The following CAMK1 variants were observed in gnomAD, a reference collection of about 807,000 sequenced individuals.
CAMK1 encodes calcium/calmodulin dependent protein kinase I.
Under a neutral mutation model 49.1 loss-of-function variants are expected in CAMK1, and 39 were observed. The observed-to-expected ratio is 0.79, with a 90% CI of 0.62 to 1.04. The LOEUF (loss-of-function observed/expected upper bound fraction) is 1.04. Ranked by LOEUF, CAMK1 falls within the 50% of genes least tolerant of loss-of-function variation. CAMK1 has a pLI of 0.00. For synonymous variants in CAMK1, 192 were observed against 185.2 expected (o/e 1.04, Z -0.30); for missense variants, 457 against 472.2 (o/e 0.97, Z 0.30).
At chr3:9,766,799 C>T (rs1479357400) in intron 2 of CAMK1, 1 of 215,274 alleles carries the variant, frequency 4.6e-6, no homozygotes, top group Non-Finnish European at 8.3e-6. Flanking sequence ...GTAACCTCAT[C>T]ACTGGTTTCC....
intron 10 of CAMK1, chr3:9,759,092 G>A (rs922544086): frequency 2.9e-6 from 3 of 1,023,662 alleles, no homozygotes; most frequent in South Asian, 1.3e-5. Context: ...AGTCCCCTCA[G>A]CCCCTCCAGT....
intron 2 of CAMK1, chr3:9,766,324 C>T (rs532374616): frequency 1.4e-6 from 1 of 692,100 alleles, no homozygotes; most frequent in South Asian, 1.5e-5. Flanking sequence ...GAGGTCTACC[C>T]CTGGGCTTTT....
At chr3:9,760,008 CAAT>C in intron 8 of CAMK1, 1 of 410,936 alleles carries the variant, frequency 2.4e-6, no homozygotes, top group South Asian at 2.7e-5. Context: ...TTTGGGAGGC[CAAT>C]GCAGGTGGAT....
chr3:9,759,775 G>T, intron 8 of CAMK1, 25 bp from the exon 9 acceptor site: 1 of 1,614,064 alleles, frequency 6.2e-7, no homozygotes, highest in Non-Finnish European at 8.5e-7. Flanking sequence ...CAAAAGCAAA[G>T]ATAATGACAG....
At chr3:9,763,421 AAC>A (rs1491396472) in intron 3 of CAMK1, among the ~76,000 whole-genome samples, 7 of 150,738 alleles carry the variant, frequency 4.6e-5, no homozygotes, top group African/African-American at 1.7e-4. Flanking sequence ...AAAAAAAAAA[AAC>A]AGCGGTTTAG....
In CAMK1 at chr3:9,765,889, C is replaced by A. The variant is rs763370367; in HGVS notation, c.85G>T (p.Gly29Trp). ...GCCAGGATCACCTCCGAGAAGGCCCCCCTATCGGGAGAGGGGATTCACAAG... is the reference window on the plus strand; with the variant it reads ...GCCAGGATCACCTCCGAGAAGGCCCACCTATCGGGAGAGGGGATTCACAAG... ...IYDFRDVLGTGAFSEVILAED... is the reference protein window; with the variant it reads ...IYDFRDVLGTWAFSEVILAED... The change falls in exon 3 of 12, where the codon GGG (glycine) becomes TGG (tryptophan). Residue 29 changes from glycine (G) to tryptophan (W), a missense_variant and splice_region_variant. Physicochemically the swap from Gly to Trp is radical, Grantham distance 184 (BLOSUM62 -2). Transcript: ENST00000256460. 1 of 1,614,144 alleles carries A rather than the reference C, an allele frequency of 6.2e-7. No individual in the cohort carries two copies. Among genetic ancestry groups the A allele is most frequent in the South Asian group, 1.1e-5 (1 of 91,074 alleles).
At position 9,760,752 on chromosome 3, in the gene CAMK1, G is replaced by A. The variant is rs907102077; in HGVS notation, c.649C>T (p.Pro217Ser). The change falls in exon 8 of 12, where the codon CCC becomes TCC. Residue 217 changes from proline (P) to serine (S), a missense_variant. Physicochemically the swap from Pro to Ser is moderately conservative, Grantham distance 74. Coordinates refer to ENST00000256460, the MANE Select transcript of CAMK1 (RefSeq NM_003656.5). ...IAYILLCGYP[P>S]FYDENDAKLF... ...TTGGCATCATTCTCGTCATAGAAGG[G>A]AGGGTAACCGCAGAGCCTGGGCAGG... is the stretch of plus-strand genomic sequence containing the variant. 6 of 1,614,058 alleles carry A rather than the reference G, an allele frequency of 3.7e-6. No homozygotes were observed. Among genetic ancestry groups the A allele is most frequent in the Non-Finnish European group, 5.1e-6 (6 of 1,179,960 alleles).
rs763757094 is a variant in CAMK1, at chr3:9,766,038, G to C, written c.84-148C>G. The C allele has an allele frequency of 1.2e-5, 20 of 1,607,858 alleles. No individual in the cohort carries two copies. In the East Asian group the frequency reaches 4.5e-4, roughly 36 times the overall value. ...GTCACTCATCCATCCCCTGGCTCCA[G>C]AGATGGTCACATGACCCAGGCCTGG... On this transcript the variant is annotated intron_variant, in intron 2 of 11. Transcript: ENST00000256460.
Position 9,760,658 on chromosome 3 carries a change from G to A in CAMK1, c.743C>T (p.Ser248Phe), listed in dbSNP as rs750784176. ...DSPYWDDISD[S>F]AKDFIRHLME... ...GAAAAAAGCAAAGCCCCAAATACCAGAGTCAGAGATGTCGTCCCAGTAAGG... is the reference window on the plus strand; with the variant it reads ...GAAAAAAGCAAAGCCCCAAATACCAAAGTCAGAGATGTCGTCCCAGTAAGG... The change falls in exon 8 of 12, where the codon TCT becomes TTT. Residue 248 changes from serine to phenylalanine, a missense_variant and splice_region_variant. Physicochemically the swap from Ser to Phe is radical, Grantham distance 155. Transcript: ENST00000256460. 7.4e-6 allele frequency: 12 copies of A among 1,613,908 alleles called. No homozygotes were observed. Among genetic ancestry groups the A allele is most frequent in the Admixed American group, 5.0e-5 (3 of 60,002 alleles).
At chr3:9,760,161 C>G (rs570397310) in intron 8 of CAMK1, 3 of 197,722 alleles carry the variant, frequency 1.5e-5, no homozygotes, top group Non-Finnish European at 3.2e-5. Context: ...GAGAATTGCT[C>G]GAACCCGGGA....
At position 9,760,763 on chromosome 3, in the gene CAMK1, C is replaced by G. The variant is rs753380998; in HGVS notation, c.638G>C (p.Cys213Ser). 2 of 1,613,880 alleles carry G rather than the reference C, an allele frequency of 1.2e-6. No homozygotes were observed. The highest frequency in any genetic ancestry group is 1.3e-5 in the African/African-American group (1 of 74,928). ...SIGVIAYILL[C>S]GYPPFYDEND... ...CTCGTCATAGAAGGGAGGGTAACCGCAGAGCCTGGGCAGGGAGAAACTCAT... is the reference window on the plus strand; with the variant it reads ...CTCGTCATAGAAGGGAGGGTAACCGGAGAGCCTGGGCAGGGAGAAACTCAT... Residue 213 changes from cysteine to serine, a missense_variant, in exon 8 of 12, where the codon TGC becomes TCC. Transcript: ENST00000256460.
chr3:9,766,044 G>A (rs1308713538), intron 2 of CAMK1, 154 bp from the exon 3 acceptor site: 1 of 1,603,816 alleles, frequency 6.2e-7, no homozygotes, highest in South Asian at 1.1e-5. Flanking sequence ...TCCAGAGATG[G>A]TCACATGACC....
At chr3:9,767,889 C>G in intron 1 of CAMK1, 108 bp from the exon 2 acceptor site, 1 of 1,372,906 alleles carries the variant, frequency 7.3e-7, no homozygotes, top group Non-Finnish European at 9.6e-7. Flanking sequence ...ATCCTTGATT[C>G]ATCCATTTGA....
intron 8 of CAMK1, chr3:9,760,095 T>C (rs1404905453): frequency 4.5e-6 from 1 of 221,888 alleles, no homozygotes; most frequent in African/African-American, 2.3e-5. Flanking sequence ...ACAAAAAAAA[T>C]TAGCCGGGCA....
chr3:9,766,120 C>T, intron 2 of CAMK1: 1 of 1,247,312 alleles, frequency 8.0e-7, no homozygotes, highest in East Asian at 2.5e-5. Flanking sequence ...TGCAAGCCAG[C>T]TTACTAGCAC....
chr3:9,760,529 C>G (rs574438418), intron 8 of CAMK1, 127 bp downstream of exon 8: 9 of 917,634 alleles, frequency 9.8e-6, no homozygotes, highest in Non-Finnish European at 7.0e-6. Context: ...TGTCTGGTCT[C>G]GAAGACAGCT....
At chr3:9,759,843 C>T (rs1381660236) in intron 8 of CAMK1, 93 bp from the exon 9 acceptor site, 3 of 1,606,072 alleles carry the variant, frequency 1.9e-6, no homozygotes, top group South Asian at 1.1e-5. Context: ...TCTGGCCTGG[C>T]ATCAAGACAA....
At chr3:9,767,099 T>C (rs898768510) in intron 2 of CAMK1, among the ~76,000 whole-genome samples, 1 of 152,174 alleles carries the variant, frequency 6.6e-6, no homozygotes, top group Admixed American at 6.5e-5. Context: ...GGAATGTCCT[T>C]CTTCCTCTCT....
intron 3 of CAMK1, among the ~76,000 whole-genome samples, chr3:9,765,455 C>T (rs142164589): frequency 6.6e-6 from 1 of 152,094 alleles, no homozygotes; most frequent in Non-Finnish European, 1.5e-5. Flanking sequence ...AGAGACAACA[C>T]CAACTGAGAT....
Sources: allele counts gnomAD v4.1 joint callset (sites outside exome capture counted in the v4.1 genomes callset), GRCh38; gene constraint gnomAD v4.1.1; transcripts MANE v1.5; gene names NCBI Gene and HGNC (gene_info 2026-07-23, HGNC 2026-07-21).